The following LRRTM4 variants were observed in gnomAD, a reference collection of about 807,000 sequenced individuals.
The protein encoded by LRRTM4 is leucine-rich repeat transmembrane neuronal protein 4.
Under a neutral mutation model 47.6 loss-of-function variants are expected in LRRTM4, and 25 were observed. The observed-to-expected ratio is 0.53, with a 90% confidence interval of 0.38 to 0.73. The LOEUF is 0.73. Among genes scored for constraint, LRRTM4 ranks in the 30% least tolerant of loss-of-function variants. The probability of loss-of-function intolerance (pLI) is 0.00; values close to 1 mark genes in which losing one functional copy is unlikely to be tolerated. For synonymous variants in LRRTM4, 311 were observed against 269.5 expected (o/e 1.15, Z -1.51); for missense variants, 638 against 713.4 (o/e 0.89, Z 1.20).
intron 3 of LRRTM4, among the ~76,000 whole-genome samples, chr2:77,161,392 C>T (rs1672723871): frequency 6.6e-6 from 1 of 152,134 alleles, no homozygotes; most frequent in Non-Finnish European, 1.5e-5. Flanking sequence ...TCTTTTAAAA[C>T]CCAGCTTCTG....
chr2:76,878,494 C>T (rs182156547), intron 3 of LRRTM4, among the ~76,000 whole-genome samples: 1 of 151,792 alleles, frequency 6.6e-6, no homozygotes, highest in Admixed American at 6.6e-5. Context: ...GCCACATATC[C>T]CAGTTGCAAA....
chr2:77,189,826 C>A lies in LRRTM4; in HGVS notation c.1551+328492G>T, dbSNP rs971044029. On this transcript the variant is annotated intron_variant, in intron 3 of 3. Transcript: ENST00000409884. ...ATCTGACTATACATATAGTTATATACATAACTACTTATAACTATATACATA... is the reference window on the plus strand; with the variant it reads ...ATCTGACTATACATATAGTTATATAAATAACTACTTATAACTATATACATA... Among the ~76,000 whole-genome samples the A allele has an allele frequency of 3.3e-5, 5 of 151,910 alleles. No individual in the cohort carries two copies. The East Asian group carries it at 9.7e-4, about 29-fold the overall frequency.
chr2:77,207,714 A>AT (rs1674177701), intron 3 of LRRTM4, among the ~76,000 whole-genome samples: 1 of 151,816 alleles, frequency 6.6e-6, no homozygotes, highest in African/African-American at 2.4e-5. Context: ...TCTCCTTAAT[A>AT]TTTTCAACTC....
In LRRTM4 at chr2:77,412,778, TTAAAA is replaced by T. The variant is rs533068092; in HGVS notation, c.1551+105535_1551+105539del. On this transcript the variant is annotated intron_variant, in intron 3 of 3. Transcript: ENST00000409884. ...ACTATTCTGTTGACATATATAAAAA[TTAAAA>T]TAAAATAAGCAGCATGGGATGGCTG... Among the ~76,000 whole-genome samples the T allele has an allele frequency of 3.6e-4, 55 of 152,294 alleles. No individual in the cohort carries two copies. In the East Asian group the frequency reaches 9.7e-3, roughly 27 times the overall value.
chr2:76,982,640 G>A (rs1676651736), intron 3 of LRRTM4, among the ~76,000 whole-genome samples: 1 of 151,964 alleles, frequency 6.6e-6, no homozygotes, highest in Admixed American at 6.6e-5. Context: ...GGAACCAAGA[G>A]TGAATTCAGG....
chr2:77,127,708 T>C (rs897274051), intron 3 of LRRTM4, among the ~76,000 whole-genome samples: 1 of 152,140 alleles, frequency 6.6e-6, no homozygotes, highest in African/African-American at 2.4e-5. Flanking sequence ...ACAAGTCTCC[T>C]GAAAAAAACA....
At chr2:77,093,582 A>C (rs1037991852) in intron 3 of LRRTM4, among the ~76,000 whole-genome samples, 2 of 151,554 alleles carry the variant, frequency 1.3e-5, no homozygotes, top group African/African-American at 4.9e-5. Context: ...TTCTCTCTCC[A>C]TACCATCCCC....
chr2:76,968,830 C>T (rs1394706596), intron 3 of LRRTM4, among the ~76,000 whole-genome samples: 2 of 151,702 alleles, frequency 1.3e-5, no homozygotes, highest in Admixed American at 6.6e-5. Flanking sequence ...AAAGTGGATC[C>T]CCCTTTCTCA....
chr2:76,849,026 T>C (rs1671915899), intron 3 of LRRTM4, among the ~76,000 whole-genome samples: 1 of 152,240 alleles, frequency 6.6e-6, no homozygotes, highest in African/African-American at 2.4e-5. Flanking sequence ...CTCTCTCCTC[T>C]CTTTTTCTTT....
At position 76,889,471 on chromosome 2, in the gene LRRTM4, A is replaced by G. The variant is rs1432918971; in HGVS notation, c.1552-140555T>C. Among the ~76,000 whole-genome samples, 3 of 151,930 alleles carry G rather than the reference A, an allele frequency of 2.0e-5. No individual in the cohort carries two copies. The East Asian group carries it at 5.8e-4, about 29-fold the overall frequency. The stretch of plus-strand genomic sequence containing the variant: ...GAAAAATAAAGTATCCCTTCCTTCA[A>G]TATTTTCACAACTCTTCAAGATTAT... On this transcript the variant is annotated intron_variant, in intron 3 of 3. Transcript: ENST00000409884.
intron 3 of LRRTM4, among the ~76,000 whole-genome samples, chr2:77,373,911 A>G (rs535695050): frequency 6.6e-6 from 1 of 151,780 alleles, no homozygotes; most frequent in Admixed American, 6.6e-5. Flanking sequence ...CCTTCAGTTG[A>G]CAGTGCCAGA....
At chr2:77,137,198 G>A (rs970219767) in intron 3 of LRRTM4, among the ~76,000 whole-genome samples, 3 of 151,782 alleles carry the variant, frequency 2.0e-5, no homozygotes, top group African/African-American at 7.3e-5. Context: ...ATGAAATGAA[G>A]GAAAAAATGT....
At chr2:76,933,306 T>A (rs1227253511) in intron 3 of LRRTM4, among the ~76,000 whole-genome samples, 1 of 152,148 alleles carries the variant, frequency 6.6e-6, no homozygotes, top group Non-Finnish European at 1.5e-5. Flanking sequence ...TACTATGGTA[T>A]AACTTGCCAA....
chr2:76,778,998 G>C (rs199964827), intron 3 of LRRTM4, among the ~76,000 whole-genome samples: 85,840 of 125,522 alleles, frequency 0.68, 30,669 homozygotes, highest in African/African-American at 0.85. Flanking sequence ...ATCCTTATTT[G>C]TGCCTTCATT....
intron 3 of LRRTM4, among the ~76,000 whole-genome samples, chr2:77,008,344 A>T (rs1446702): frequency 0.41 from 62,341 of 151,912 alleles, 12,916 homozygotes; most frequent in East Asian, 0.52. Flanking sequence ...GTATTTTTTT[A>T]AATAAATTCA....
rs191314929 is a variant in LRRTM4, at chr2:76,983,297, G to A, written c.1552-234381C>T. ...ACCCTAAGTCACACATTATTAAACA[G>A]TAGGGATATGGTTTGGCAGTATCCC... On this transcript the variant is annotated intron_variant, in intron 3 of 3. Transcript: ENST00000409884. Among the ~76,000 whole-genome samples, 329 of 152,130 alleles carry A rather than the reference G, an allele frequency of 2.2e-3. 7 individuals are homozygous for A. Among genetic ancestry groups the A allele is most frequent in the African/African-American group, 7.7e-3 (319 of 41,534 alleles).
At chr2:76,766,650 T>G (rs2104098940) in intron 3 of LRRTM4, among the ~76,000 whole-genome samples, 1 of 152,320 alleles carries the variant, frequency 6.6e-6, no homozygotes, top group Admixed American at 6.5e-5. Context: ...AGGTAGTATT[T>G]ATTTCTTGCT....
chr2:77,203,770 G>T (rs760505438), intron 3 of LRRTM4, among the ~76,000 whole-genome samples: 2 of 152,166 alleles, frequency 1.3e-5, no homozygotes, highest in African/African-American at 2.4e-5. Flanking sequence ...CCAGTGCATG[G>T]TAACACCTCT....
intron 3 of LRRTM4, among the ~76,000 whole-genome samples, chr2:77,286,082 T>C (rs1270495247): frequency 6.6e-6 from 1 of 152,106 alleles, no homozygotes; most frequent in African/African-American, 2.4e-5. Context: ...CTGAAAAACT[T>C]TGGATAGATT....
Sources: allele counts gnomAD v4.1 joint callset (sites outside exome capture counted in the v4.1 genomes callset), GRCh38; gene constraint gnomAD v4.1.1; transcripts MANE v1.5; gene names NCBI Gene and HGNC (gene_info 2026-07-23, HGNC 2026-07-21).